STARD13: variants seen among roughly 807,000 people sequenced by gnomAD.
STARD13 encodes the protein StAR related lipid transfer domain containing 13, also known as stAR-related lipid transfer protein 13.
STARD13 carries 62 observed loss-of-function variants against 106.4 expected under a neutral mutation model. The observed-to-expected ratio is 0.58, with a 90% CI of 0.48 to 0.72. The LOEUF (loss-of-function observed/expected upper bound fraction) is 0.72, where lower values mean the gene tolerates loss of function less well. Among genes scored for constraint, STARD13 ranks in the 30% least tolerant of loss-of-function variants. The pLI is 0.00. For synonymous variants in STARD13, 565 were observed against 553.0 expected (o/e 1.02, Z -0.31); for missense variants, 1,387 against 1,424.0 (o/e 0.97, Z 0.42).
chr13:33,634,811 A>G, the STARD13 span, among the ~76,000 whole-genome samples: 1 of 152,190 alleles, frequency 6.6e-6, no homozygotes, highest in Non-Finnish European at 1.5e-5. Flanking sequence ...ACTGGCCTCC[A>G]GGGAAAGTGG....
intron 1 of STARD13, among the ~76,000 whole-genome samples, chr13:33,197,416 T>TTTTGTG (rs1555246460): frequency 1.4e-5 from 2 of 148,026 alleles, no homozygotes; most frequent in Admixed American, 6.7e-5. Context: ...AGGAAGAGAG[T>TTTTGTG]TGTGTGTGTG....
In STARD13 at chr13:33,308,520, C is replaced by CTTTTTTTTTTTTTTTTTTTTTTTT. The variant is rs552526416; in HGVS notation, c.124+41769_124+41770insAAAAAAAAAAAAAAAAAAAAAAAA. ...TCCTTTTTTCTTTTTCTTTTTCTTT[C>CTTTTTTTTTTTTTTTTTTTTTTTT]TTTTTTTTTTTTTTTTTTTTGAGTT... On this transcript the variant is annotated intron_variant, in intron 1 of 5. Coordinates refer to the STARD13 transcript ENST00000567873. Among the ~76,000 whole-genome samples, 629 of 88,578 alleles carry CTTTTTTTTTTTTTTTTTTTTTTTT rather than the reference C, an allele frequency of 7.1e-3. 1 individual carries two copies. Among genetic ancestry groups the CTTTTTTTTTTTTTTTTTTTTTTTT allele is most frequent in the Non-Finnish European group, 7.9e-3 (373 of 47,200 alleles). 58.1% of individuals were successfully genotyped at this position (88,578 alleles called of 152,430 possible).
chr13:33,389,029 C>G, the STARD13 span, among the ~76,000 whole-genome samples: 4 of 148,898 alleles, frequency 2.7e-5, no homozygotes, highest in African/African-American at 1.0e-4. Context: ...AACCTTGGCT[C>G]ACTGCAACCT....
the STARD13 span, among the ~76,000 whole-genome samples, chr13:33,377,157 A>G: frequency 6.6e-6 from 1 of 152,234 alleles, no homozygotes; most frequent in African/African-American, 2.4e-5. Context: ...GGCTTGGAAC[A>G]AAATTAAGCA....
the STARD13 span, among the ~76,000 whole-genome samples, chr13:33,671,316 C>A: frequency 6.6e-6 from 1 of 152,192 alleles, no homozygotes; most frequent in Non-Finnish European, 1.5e-5. Context: ...ATATGTCTTC[C>A]AATATGGAAG....
At chr13:33,193,157 T>C (rs1173741547) in intron 1 of STARD13, among the ~76,000 whole-genome samples, 1 of 152,220 alleles carries the variant, frequency 6.6e-6, no homozygotes, top group African/African-American at 2.4e-5. Context: ...ATTCCTCACA[T>C]AATTTCTTCA....
chr13:33,350,270 G>A (rs1393826544), intron 1 of STARD13: 14 of 1,519,664 alleles, frequency 9.2e-6, no homozygotes, highest in African/African-American at 5.6e-5. Flanking sequence ...CGTGGGTCGC[G>A]GCGTCTCCGG....
the STARD13 span, among the ~76,000 whole-genome samples, chr13:33,559,282 C>T: frequency 0.2 from 30,832 of 151,336 alleles, 3,826 homozygotes; most frequent in East Asian, 0.42. Context: ...CCAAAAGTAT[C>T]ACCTATTTTA....
the STARD13 span, among the ~76,000 whole-genome samples, chr13:33,505,893 G>T: frequency 2.6e-5 from 4 of 152,020 alleles, no homozygotes; most frequent in Admixed American, 2.0e-4. Flanking sequence ...CCTTCCTGGG[G>T]GTTTGCAAGG....
At chr13:33,258,455 G>A (rs868548691) in intron 1 of STARD13, among the ~76,000 whole-genome samples, 47 of 151,714 alleles carry the variant, frequency 3.1e-4, no homozygotes, top group African/African-American at 9.9e-4. Flanking sequence ...CCATGCAATC[G>A]TCAATGCTGG....
At chr13:33,641,040 T>C in the STARD13 span, among the ~76,000 whole-genome samples, 2,438 of 152,276 alleles carry the variant, frequency 0.016, 60 homozygotes, top group African/African-American at 0.055. Context: ...TGCACAGCCA[T>C]GTAGAAATAG....
chr13:33,487,443 G>A, the STARD13 span, among the ~76,000 whole-genome samples: 3 of 152,056 alleles, frequency 2.0e-5, no homozygotes, highest in African/African-American at 4.8e-5. Context: ...TTATAAATGA[G>A]GAGACATTAG....
At chr13:33,359,668 A>T in the STARD13 span, 1 of 152,776 alleles carries the variant, frequency 6.5e-6, no homozygotes, top group Non-Finnish European at 1.5e-5. Flanking sequence ...CCATCTCAAA[A>T]AAAAAAAAAA....
intron 7 of STARD13, among the ~76,000 whole-genome samples, chr13:33,121,367 G>A (rs1220918554): frequency 6.6e-6 from 1 of 151,926 alleles, no homozygotes; most frequent in Non-Finnish European, 1.5e-5. Context: ...AGGAGTTTGA[G>A]ACCAGCCTGG....
the STARD13 span, among the ~76,000 whole-genome samples, chr13:33,454,154 C>T: frequency 6.6e-6 from 1 of 152,212 alleles, no homozygotes; most frequent in African/African-American, 2.4e-5. Flanking sequence ...GTGAAGAACA[C>T]ACTTCCTGCA....
the STARD13 span, among the ~76,000 whole-genome samples, chr13:33,383,039 A>G: frequency 6.6e-5 from 10 of 152,228 alleles, no homozygotes; most frequent in Non-Finnish European, 1.2e-4. Context: ...GATGGTGGGT[A>G]ACATCTAGTT....
intron 3 of STARD13, among the ~76,000 whole-genome samples, chr13:33,159,608 A>C (rs1882388289): frequency 6.6e-6 from 1 of 152,248 alleles, no homozygotes; most frequent in African/African-American, 2.4e-5. Context: ...TTTAGACTTA[A>C]AATCTTCAGG....
chr13:33,228,402 T>C (rs1182293197), intron 1 of STARD13, among the ~76,000 whole-genome samples: 1 of 152,150 alleles, frequency 6.6e-6, no homozygotes, highest in Non-Finnish European at 1.5e-5. Context: ...TAAAAATCAT[T>C]GATAAAAAAT....
the STARD13 span, among the ~76,000 whole-genome samples, chr13:33,501,265 A>G: frequency 6.6e-6 from 1 of 151,942 alleles, no homozygotes; most frequent in African/African-American, 2.4e-5. Context: ...TTCTATAAAA[A>G]TAAAAATTCA....
Sources: gnomAD v4.1 joint callset for allele counts (sites outside exome capture counted in the v4.1 genomes callset) on GRCh38, gnomAD v4.1.1 for gene constraint, MANE v1.5 for transcripts, NCBI Gene and HGNC (gene_info 2026-07-23, HGNC 2026-07-21) for gene names.